The following SETBP1 variants were observed in gnomAD, a reference collection of about 807,000 sequenced individuals.
The protein encoded by SETBP1 is SET-binding protein.
In SETBP1, 9 loss-of-function variants were observed where a neutral mutation model predicts 101.0. The ratio of observed to expected loss-of-function variants is 0.09; its 90% CI spans 0.05 to 0.16. SETBP1 has a LOEUF of 0.16. Among genes scored for constraint, SETBP1 ranks in the 10% least tolerant of loss-of-function variants. The pLI is 1.00. For missense variants in SETBP1, 1,858 were observed against 2,033.8 expected (o/e 0.91, Z 1.66); for synonymous variants, 818 against 788.5 (o/e 1.04, Z -0.63).
At chr18:44,859,630 T>G (rs930246910) in intron 2 of SETBP1, among the ~76,000 whole-genome samples, 1 of 152,112 alleles carries the variant, frequency 6.6e-6, no homozygotes, top group Non-Finnish European at 1.5e-5. Context: ...AAATTTAAGA[T>G]AGATAATGAA....
intron 3 of SETBP1, among the ~76,000 whole-genome samples, chr18:44,909,443 G>A (rs1039734838): frequency 6.6e-5 from 10 of 152,188 alleles, no homozygotes; most frequent in Non-Finnish European, 1.2e-4. Context: ...TTACAAGGAA[G>A]AGTATCTTGG....
chr18:44,816,159 G>A (rs1657663237), intron 2 of SETBP1, among the ~76,000 whole-genome samples: 1 of 152,190 alleles, frequency 6.6e-6, no homozygotes, highest in Non-Finnish European at 1.5e-5. Flanking sequence ...GCCAATGCAA[G>A]GCAGGTGGGG....
intron 3 of SETBP1, among the ~76,000 whole-genome samples, chr18:44,927,956 G>A (rs1296711789): frequency 1.3e-5 from 2 of 152,094 alleles, no homozygotes; most frequent in Non-Finnish European, 2.9e-5. Context: ...TATACTTTAA[G>A]TTCTAGGGTA....
rs146758223 is a variant in SETBP1 at position 44,859,769 on chromosome 18, T to G, written c.487-9461T>G. ...ATAGCCAAGAGTTCAAGGTGGGCTT[T>G]CTGGAGGAGATTCTCCTATTTTTCC... On this transcript the variant is annotated intron_variant, in intron 2 of 5. Coordinates refer to ENST00000649279, the MANE Select transcript of SETBP1 (RefSeq NM_015559.3). 6.1e-3 allele frequency among the ~76,000 whole-genome samples: 929 copies of G among 152,296 alleles called. 7 individuals are homozygous for G. Among genetic ancestry groups the G allele is most frequent in the African/African-American group, 0.021 (886 of 41,566 alleles).
At chr18:44,732,013 A>G (rs1159664825) in intron 2 of SETBP1, among the ~76,000 whole-genome samples, 1 of 152,174 alleles carries the variant, frequency 6.6e-6, no homozygotes, top group East Asian at 1.9e-4. Context: ...CTTTATTATG[A>G]AATACCCAGT....
chr18:44,859,455 G>A (rs1358229409), intron 2 of SETBP1, among the ~76,000 whole-genome samples: 1 of 152,192 alleles, frequency 6.6e-6, no homozygotes, highest in Non-Finnish European at 1.5e-5. Context: ...GATCATGGAT[G>A]GCTGAGACAG....
chr18:44,753,477 G>A (rs1263275466), intron 2 of SETBP1, among the ~76,000 whole-genome samples: 7 of 152,230 alleles, frequency 4.6e-5, no homozygotes, highest in Non-Finnish European at 8.8e-5. Flanking sequence ...TGACAGACTT[G>A]TGTATTAGAA....
At chr18:44,996,244 C>T (rs146657346) in intron 4 of SETBP1, among the ~76,000 whole-genome samples, 11 of 152,186 alleles carry the variant, frequency 7.2e-5, no homozygotes, top group Non-Finnish European at 1.3e-4. Context: ...ATTTGCTGGG[C>T]ACATGAAAAG....
chr18:44,805,796 C>T (rs1194977583), intron 2 of SETBP1, among the ~76,000 whole-genome samples: 1 of 152,108 alleles, frequency 6.6e-6, no homozygotes, highest in Admixed American at 6.5e-5. Flanking sequence ...GTTTGGGCAT[C>T]CAAAGAGAGC....
At chr18:44,998,775 C>T (rs1182269928) in intron 4 of SETBP1, among the ~76,000 whole-genome samples, 1 of 152,184 alleles carries the variant, frequency 6.6e-6, no homozygotes, top group African/African-American at 2.4e-5. Flanking sequence ...TACCCACCTA[C>T]AGTACTAGAA....
chr18:44,849,633 A>C (rs930683271), intron 2 of SETBP1, among the ~76,000 whole-genome samples: 3 of 151,362 alleles, frequency 2.0e-5, no homozygotes, highest in Non-Finnish European at 4.4e-5. Flanking sequence ...GCCACAAGTG[A>C]TGAAGGCCAT....
At chr18:45,026,074 A>C (rs2073159220) in intron 4 of SETBP1, among the ~76,000 whole-genome samples, 1 of 152,170 alleles carries the variant, frequency 6.6e-6, no homozygotes, top group Admixed American at 6.5e-5. Flanking sequence ...TGTGCTCTAG[A>C]GGTAAAAAGG....
chr18:44,740,039 A>G (rs1293323287), intron 2 of SETBP1, among the ~76,000 whole-genome samples: 1 of 152,122 alleles, frequency 6.6e-6, no homozygotes, highest in East Asian at 1.9e-4. Flanking sequence ...CCCTCACCTC[A>G]CCTCCCAAAT....
chr18:44,905,199 G>A (rs549825683), intron 3 of SETBP1, among the ~76,000 whole-genome samples: 16 of 152,078 alleles, frequency 1.1e-4, no homozygotes, highest in Non-Finnish European at 1.8e-4. Context: ...AAACAAAGCT[G>A]GAACAGAAAA....
intron 3 of SETBP1, among the ~76,000 whole-genome samples, chr18:44,878,036 G>C (rs2069448811): frequency 6.6e-6 from 1 of 152,118 alleles, no homozygotes; most frequent in Non-Finnish European, 1.5e-5. Context: ...GGTGGGTGTT[G>C]GGGGGTAGGT....
rs181640999 is a variant in SETBP1 at position 44,713,081 on chromosome 18, C to T, written c.486+11249C>T. On this transcript the variant is annotated intron_variant, in intron 2 of 5. Transcript: ENST00000649279. ...TCAGGCCATTCTCCTGCCTCAGCCT[C>T]CCAAGCAGCTGGGACTACAGGCGCC... Among the ~76,000 whole-genome samples the T allele has an allele frequency of 2.6e-5, 4 of 151,766 alleles. No homozygotes were observed. In the East Asian group the frequency reaches 7.8e-4, roughly 30 times the overall value.
intron 2 of SETBP1, among the ~76,000 whole-genome samples, chr18:44,747,176 G>A (rs1012790243): frequency 1.3e-5 from 2 of 152,200 alleles, no homozygotes; most frequent in Non-Finnish European, 2.9e-5. Context: ...AGGTCTCCAA[G>A]GTCCTGCTTC....
intron 5 of SETBP1, among the ~76,000 whole-genome samples, chr18:45,058,301 G>A (rs967569665): frequency 6.6e-6 from 1 of 152,152 alleles, no homozygotes; most frequent in Non-Finnish European, 1.5e-5. Flanking sequence ...AACATTTAGA[G>A]GGACAGTGAA....
chr18:45,050,990 A>T (rs1426178920), intron 5 of SETBP1, among the ~76,000 whole-genome samples: 1 of 152,214 alleles, frequency 6.6e-6, no homozygotes, highest in Non-Finnish European at 1.5e-5. Context: ...AAGTTGCCAG[A>T]GTTAAGTGAT....
Sources: gnomAD v4.1 joint callset for allele counts (sites outside exome capture counted in the v4.1 genomes callset) on GRCh38, gnomAD v4.1.1 for gene constraint, MANE v1.5 for transcripts, NCBI Gene and HGNC (gene_info 2026-07-23, HGNC 2026-07-21) for gene names.